Variants in PEX5L observed in about 807,000 individuals in gnomAD.
PEX5L encodes the protein PEX5-related protein.
Under a neutral mutation model 84.0 loss-of-function variants are expected in PEX5L, and 30 were observed. The ratio of observed to expected loss-of-function variants is 0.36; its 90% CI spans 0.27 to 0.48. The LOEUF is 0.48. Among genes scored for constraint, PEX5L ranks in the 20% least tolerant of loss-of-function variants. The pLI is 0.99. For missense variants in PEX5L, 533 were observed against 754.6 expected (o/e 0.71, Z 3.44); for synonymous variants, 270 against 283.1 (o/e 0.95, Z 0.46).
Position 179,801,834 on chromosome 3 carries a change from A to G in PEX5L, c.1875T>C (p.Asp625=), listed in dbSNP as rs775583327. The change falls in exon 15 of 15, where the codon GAT becomes GAC. Residue 625 remains aspartate (D), a synonymous_variant. Transcript: ENST00000467460. ...LDVLLRAFNL[D]P ...TACTGGTATTATTCTTTCTTCAAGGATCCAAGTTGAAAGCTCTTAAGAGGA... is the reference window on the plus strand; with the variant it reads ...TACTGGTATTATTCTTTCTTCAAGGGTCCAAGTTGAAAGCTCTTAAGAGGA... 1.3e-6 allele frequency: 2 copies of G among 1,598,598 alleles called. No individual in the cohort carries two copies. Among genetic ancestry groups the G allele is most frequent in the Non-Finnish European group, 1.7e-6 (2 of 1,165,726 alleles).
intron 3 of PEX5L, among the ~76,000 whole-genome samples, chr3:179,888,430 T>A (rs537063818): frequency 2.4e-4 from 37 of 152,332 alleles, no homozygotes; most frequent in Non-Finnish European, 4.1e-4. Context: ...AAAATATATC[T>A]CGGTAGATTC....
chr3:179,998,030 A>G (rs1788055363), intron 1 of PEX5L, among the ~76,000 whole-genome samples: 1 of 152,210 alleles, frequency 6.6e-6, no homozygotes, highest in Admixed American at 6.5e-5. Context: ...TTCAGTGAGT[A>G]AGAAGTAGAA....
intron 4 of PEX5L, among the ~76,000 whole-genome samples, chr3:179,885,191 T>A (rs1459207331): frequency 6.6e-6 from 1 of 152,032 alleles, no homozygotes; most frequent in Non-Finnish European, 1.5e-5. Flanking sequence ...CCCCCTACGT[T>A]GGAGAGTATT....
intron 1 of PEX5L, among the ~76,000 whole-genome samples, chr3:179,985,296 A>G (rs1407386293): frequency 6.6e-6 from 1 of 152,210 alleles, no homozygotes; most frequent in East Asian, 1.9e-4. Flanking sequence ...CTTTGGCTTC[A>G]TCCAATTCAA....
chr3:179,804,453 A>C (rs1720389547), intron 14 of PEX5L: 1 of 152,222 alleles, frequency 6.6e-6, no homozygotes, highest in Non-Finnish European at 1.5e-5. Flanking sequence ...AGGAGTCCTC[A>C]TTTTTGAAAA....
chr3:179,956,576 T>C (rs1780612217), intron 2 of PEX5L, among the ~76,000 whole-genome samples: 1 of 152,194 alleles, frequency 6.6e-6, no homozygotes, highest in African/African-American at 2.4e-5. Flanking sequence ...GTAAATTATC[T>C]CCTAAGTTTC....
At chr3:179,869,716 C>T (rs1414837705) in intron 7 of PEX5L, among the ~76,000 whole-genome samples, 2 of 152,102 alleles carry the variant, frequency 1.3e-5, no homozygotes. Flanking sequence ...GATTAACTCC[C>T]AGGAAGGAAC....
intron 1 of PEX5L, among the ~76,000 whole-genome samples, chr3:180,023,769 CACAGAGAGAG>C (rs1262655791): frequency 1.4e-4 from 21 of 149,394 alleles, no homozygotes; most frequent in African/African-American, 4.1e-4. Flanking sequence ...CACGCACACA[CACAGAGAGAG>C]AGAGAGAGAG....
chr3:179,987,209 T>C (rs1166976466), intron 1 of PEX5L, among the ~76,000 whole-genome samples: 1 of 152,160 alleles, frequency 6.6e-6, no homozygotes, highest in Non-Finnish European at 1.5e-5. Context: ...TTAAATATTA[T>C]TAGCTGATAT....
At chr3:179,989,842 T>C (rs1787218554) in intron 1 of PEX5L, among the ~76,000 whole-genome samples, 2 of 152,224 alleles carry the variant, frequency 1.3e-5, no homozygotes, top group Admixed American at 1.3e-4. Context: ...ATGATAAAAG[T>C]GTGATTTGTG....
chr3:180,021,138 T>C (rs1209938442), intron 1 of PEX5L, among the ~76,000 whole-genome samples: 1 of 152,182 alleles, frequency 6.6e-6, no homozygotes, highest in Non-Finnish European at 1.5e-5. Flanking sequence ...TACCTTCAGC[T>C]GGATTTTGAA....
chr3:179,857,122 C>T (rs537086330), intron 8 of PEX5L, among the ~76,000 whole-genome samples: 2 of 152,098 alleles, frequency 1.3e-5, no homozygotes, highest in Admixed American at 6.5e-5. Context: ...TGGAAAGGAT[C>T]ATAGAGGCAT....
At chr3:180,033,470 T>C (rs1260114728) in intron 1 of PEX5L, among the ~76,000 whole-genome samples, 3 of 152,210 alleles carry the variant, frequency 2.0e-5, no homozygotes, top group Middle Eastern at 3.2e-3. Context: ...TGAAATTATA[T>C]TTCTCTGTAT....
At chr3:179,888,142 A>G (rs1756484573) in intron 3 of PEX5L, 2 of 1,290,904 alleles carry the variant, frequency 1.5e-6, no homozygotes, top group Admixed American at 4.6e-5. Context: ...TCCTACTGAG[A>G]CCTGGACCAG....
rs1333078434 is a variant in PEX5L at position 179,800,348 on chromosome 3, A to C, written c.*1480T>G. The C allele has an allele frequency of 6.6e-6, 1 of 152,230 alleles. No individual in the cohort carries two copies. The highest frequency in any genetic ancestry group is 2.4e-5 in the African/African-American group (1 of 41,458). 9.4% of individuals were successfully genotyped at this position (152,230 alleles called of 1,614,324 possible). On this transcript the variant is annotated 3_prime_UTR_variant, in exon 15 of 15. Transcript: ENST00000467460. The stretch of plus-strand genomic sequence containing the variant: ...CAAAGAACATAAATAAAAAGTTGTT[A>C]GGATTAGCTACTGTGGGGAAGGTTC...
At chr3:179,829,406 C>A (rs1412439899) in intron 8 of PEX5L, among the ~76,000 whole-genome samples, 1 of 152,162 alleles carries the variant, frequency 6.6e-6, no homozygotes, top group Non-Finnish European at 1.5e-5. Flanking sequence ...TGATTAAGAG[C>A]AGGAATCTTG....
intron 8 of PEX5L, among the ~76,000 whole-genome samples, chr3:179,841,416 G>T (rs1157310656): frequency 1.3e-5 from 2 of 152,124 alleles, no homozygotes; most frequent in African/African-American, 2.4e-5. Context: ...TCTCTGCCAG[G>T]CCAGGTGAAT....
At chr3:179,886,543 T>C (rs1278971294) in intron 4 of PEX5L, among the ~76,000 whole-genome samples, 3 of 152,220 alleles carry the variant, frequency 2.0e-5, no homozygotes, top group Non-Finnish European at 4.4e-5. Context: ...ATCTTTCCAA[T>C]GAACTTACGA....
intron 3 of PEX5L, 42 bp from the exon 4 acceptor site, chr3:179,887,826 C>T: frequency 7.6e-7 from 1 of 1,310,364 alleles, no homozygotes. Context: ...CTTTGTTAAA[C>T]TGCAGAGTCA....
Sources: gnomAD v4.1 joint callset for allele counts (sites outside exome capture counted in the v4.1 genomes callset) on GRCh38, gnomAD v4.1.1 for gene constraint, MANE v1.5 for transcripts, NCBI Gene and HGNC (gene_info 2026-07-23, HGNC 2026-07-21) for gene names.